The following LINGO3 variants were observed in gnomAD, a reference collection of about 807,000 sequenced individuals.
The protein encoded by LINGO3 is leucine-rich repeat and immunoglobulin-like domain-containing nogo receptor-interacting protein 3.
For synonymous variants in LINGO3, 427 were observed against 444.2 expected (o/e 0.96, Z 0.49); for missense variants, 750 against 867.7 (o/e 0.86, Z 1.70).
chr19:2,289,402 G>A (rs1400643271), downstream of LINGO3, among the ~76,000 whole-genome samples: 2 of 152,004 alleles, frequency 1.3e-5, no homozygotes, highest in African/African-American at 4.8e-5. Flanking sequence ...TGGTTTTAGT[G>A]TCGGCTGGGT....
At chr19:2,296,000 C>A (rs960087766), upstream of LINGO3, among the ~76,000 whole-genome samples, 1 of 152,024 alleles carries the variant, frequency 6.6e-6, no homozygotes, top group Non-Finnish European at 1.5e-5. Flanking sequence ...AGGGAGGGAG[C>A]GAGAGAGGGG....
chr19:2,295,473 GC>G (rs1264228312), upstream of LINGO3, among the ~76,000 whole-genome samples: 1 of 152,196 alleles, frequency 6.6e-6, no homozygotes. Flanking sequence ...GGTGGCTCAC[GC>G]CTGTCATCCC....
At chr19:2,291,693 G>C in exon 1 of LINGO3, 1 of 1,339,064 alleles carries the variant, frequency 7.5e-7, no homozygotes, top group Non-Finnish European at 9.5e-7. Flanking sequence ...TGCACTCGCA[G>C]CGGGCCGGGC....
chr19:2,307,094 A>G, the LINGO3 span, among the ~76,000 whole-genome samples: 6 of 151,910 alleles, frequency 3.9e-5, no homozygotes, highest in African/African-American at 1.5e-4. Context: ...TTGTCCCTGA[A>G]GGCTCCCCCC....
the LINGO3 span, among the ~76,000 whole-genome samples, chr19:2,297,040 T>C: frequency 8.6e-5 from 13 of 150,900 alleles, no homozygotes; most frequent in South Asian, 8.4e-4. Flanking sequence ...TGCAGTGAGC[T>C]GAGATCACGC....
At chr19:2,306,802 G>A in the LINGO3 span, among the ~76,000 whole-genome samples, 7 of 152,084 alleles carry the variant, frequency 4.6e-5, no homozygotes, top group Admixed American at 4.6e-4. Flanking sequence ...ACATCATCGA[G>A]ATGGGGACAG....
chr19:2,302,440 G>T, the LINGO3 span, among the ~76,000 whole-genome samples: 34 of 152,308 alleles, frequency 2.2e-4, no homozygotes, highest in Non-Finnish European at 4.4e-4. Flanking sequence ...GGTAATAAAC[G>T]TCACGGAGGT....
In LINGO3 at chr19:2,290,798, T is replaced by A; in HGVS notation, c.979A>T (p.Asn327Tyr). The A allele has an allele frequency of 6.2e-7, 1 of 1,612,542 alleles. No individual in the cohort carries two copies. Among genetic ancestry groups the A allele is most frequent in the Non-Finnish European group, 8.5e-7 (1 of 1,179,606 alleles). The change falls in exon 1 of 1, where the codon AAC becomes TAC. Residue 327 changes from asparagine (N) to tyrosine (Y), a missense_variant. Transcript: ENST00000585527. This position sits in a 1 kb window ranked among gnomAD's most constrained non-coding sequence, Gnocchi z 6.0. ...TCCTCCAACGTGGAGAGCAGGTTGT[T>A]GGAGAGGTTGAGCAGGCGGATCTGG...
the LINGO3 span, among the ~76,000 whole-genome samples, chr19:2,301,280 A>T: frequency 2.6e-5 from 4 of 151,170 alleles, no homozygotes; most frequent in Non-Finnish European, 5.9e-5. Flanking sequence ...TAATTTAAAT[A>T]ATTAATGCAG....
In LINGO3 at chr19:2,290,933, T is replaced by C; in HGVS notation, c.844A>G (p.Ile282Val). 1 of 1,611,638 alleles carries C rather than the reference T, an allele frequency of 6.2e-7. No homozygotes were observed. Among genetic ancestry groups the C allele is most frequent in the Non-Finnish European group, 8.5e-7 (1 of 1,179,420 alleles). Reference sequence around the variant, plus strand: ...AACGACCCCCGCGGCACCGTGCTGATGGGGTTGTGCGACAGATTGAGGCAG... The same window carrying C: ...AACGACCCCCGCGGCACCGTGCTGACGGGGTTGTGCGACAGATTGAGGCAG... The change falls in exon 1 of 1, where the codon ATC (isoleucine) becomes GTC (valine). Residue 282 changes from isoleucine to valine, a missense_variant. By Grantham distance (29) the Ile-to-Val change is conservative. Transcript: ENST00000585527. This position sits in a 1 kb window ranked among gnomAD's most constrained non-coding sequence, Gnocchi z 6.0.
chr19:2,301,844 C>T, the LINGO3 span, among the ~76,000 whole-genome samples: 1 of 144,514 alleles, frequency 6.9e-6, no homozygotes, highest in Non-Finnish European at 1.5e-5. Context: ...AGGAGAATGG[C>T]GTGAACCCGG....
At chr19:2,289,789 T>C (rs965456879) in exon 1 of LINGO3, 21 of 244,316 alleles carry the variant, frequency 8.6e-5, no homozygotes, top group Non-Finnish European at 1.5e-4. Context: ...GGAAGACGGG[T>C]TGAAATCTTT....
the LINGO3 span, among the ~76,000 whole-genome samples, chr19:2,307,292 G>A: frequency 1.3e-5 from 2 of 152,224 alleles, no homozygotes; most frequent in Admixed American, 6.5e-5. Context: ...GGGGGGCCGG[G>A]ACACCGGCAC....
At chr19:2,289,986 C>A in exon 1 of LINGO3, 1 of 1,516,234 alleles carries the variant, frequency 6.6e-7, no homozygotes, top group Non-Finnish European at 8.9e-7. Context: ...GAGGGTCCGC[C>A]CTGGGGACCC....
upstream of LINGO3, among the ~76,000 whole-genome samples, chr19:2,295,882 G>A (rs572145929): frequency 2.0e-5 from 3 of 150,716 alleles, no homozygotes; most frequent in South Asian, 6.3e-4. Flanking sequence ...GGTGTCGCAG[G>A]TGAGAATGTG....
chr19:2,297,063 A>G, the LINGO3 span, among the ~76,000 whole-genome samples: 6,105 of 151,046 alleles, frequency 0.04, 401 homozygotes, highest in African/African-American at 0.14. Flanking sequence ...CTGCACTCCA[A>G]CCTGGGCGAC....
In LINGO3 at chr19:2,290,748, C is replaced by T. The variant is rs1449448843; in HGVS notation, c.1029G>A (p.Thr343=). ...TCCCGTCCACGCGCAGCGTCTCTAGCGTGTTCACCGAGTGGAAGGTGCTCT... is the reference window on the plus strand; with the variant it reads ...TCCCGTCCACGCGCAGCGTCTCTAGTGTGTTCACCGAGTGGAAGGTGCTCT... Residue 343 remains threonine (T), a synonymous_variant, in exon 1 of 1, where the codon ACG becomes ACA. Transcript: ENST00000585527. The surrounding 1 kb of genome is among the most constrained non-coding windows in gnomAD (Gnocchi z 6.0). The T allele has an allele frequency of 1.9e-6, 3 of 1,612,826 alleles. No individual in the cohort carries two copies. The highest frequency in any genetic ancestry group is 2.2e-5 in the East Asian group (1 of 44,850).
At chr19:2,288,661 T>C (rs1183124239), downstream of LINGO3, among the ~76,000 whole-genome samples, 1 of 152,152 alleles carries the variant, frequency 6.6e-6, no homozygotes, top group Non-Finnish European at 1.5e-5. The surrounding 1 kb of genome is among the most constrained non-coding windows in gnomAD (Gnocchi z 6.5). Flanking sequence ...TGGACAGCCC[T>C]GCTGGGCTGT....
the LINGO3 span, among the ~76,000 whole-genome samples, chr19:2,307,648 C>T: frequency 1.2e-4 from 18 of 152,336 alleles, no homozygotes; most frequent in African/African-American, 4.3e-4. Flanking sequence ...TCCAGCTCCG[C>T]ACCCCCAGGC....
Sources: gnomAD v4.1 joint callset for allele counts (sites outside exome capture counted in the v4.1 genomes callset) on GRCh38, gnomAD v4.1.1 for gene constraint, Gnocchi (gnomAD v3.1) non-coding constraint, MANE v1.5 for transcripts, NCBI Gene and HGNC (gene_info 2026-07-23, HGNC 2026-07-21) for gene names.